The following NXN variants were observed in gnomAD, a reference collection of about 807,000 sequenced individuals.
NXN encodes the protein nucleoredoxin.
In NXN, 16 loss-of-function variants were observed where a neutral mutation model predicts 48.6. That is an observed-to-expected ratio of 0.33 (90% confidence interval 0.22 to 0.50). The LOEUF (loss-of-function observed/expected upper bound fraction) is 0.50. Ranked by LOEUF, NXN falls within the 20% of genes least tolerant of loss-of-function variation. The probability of loss-of-function intolerance (pLI) is 0.98; values close to 1 mark genes in which losing one functional copy is unlikely to be tolerated. For synonymous variants in NXN, 281 were observed against 269.6 expected (o/e 1.04, Z -0.41); for missense variants, 492 against 605.5 (o/e 0.81, Z 1.97).
At position 827,540 on chromosome 17, in the gene NXN, G is replaced by A. The variant is rs945915036; in HGVS notation, c.361-1462C>T. ...CGGGAGGCTGAGGCAGGAGAATGGC[G>A]TGAACCCGGGAGGCGGGGCTTGCGG... On this transcript the variant is annotated intron_variant, in intron 1 of 7. Coordinates refer to ENST00000336868, the MANE Select transcript of NXN (RefSeq NM_022463.5). Among the ~76,000 whole-genome samples the A allele has an allele frequency of 8.5e-5, 13 of 152,156 alleles. 1 individual carries two copies. The highest frequency in any genetic ancestry group is 6.5e-4 in the Admixed American group (10 of 15,268).
At chr17:924,473 G>C (rs1300102242) in intron 1 of NXN, among the ~76,000 whole-genome samples, 1 of 152,238 alleles carries the variant, frequency 6.6e-6, no homozygotes, top group East Asian at 1.9e-4. Context: ...CCAACCTCAG[G>C]TGATCCGCCC....
intron 1 of NXN, among the ~76,000 whole-genome samples, chr17:905,976 C>CG (rs141083100): frequency 8.4e-6 from 1 of 118,576 alleles, no homozygotes; most frequent in Non-Finnish European, 1.7e-5. Context: ...GACCTTGTCT[C>CG]AAAAAAAAAA....
intron 1 of NXN, among the ~76,000 whole-genome samples, chr17:972,028 C>T (rs575944586): frequency 1.4e-4 from 21 of 152,202 alleles, no homozygotes; most frequent in Admixed American, 4.6e-4. Flanking sequence ...TGGCCAGTCA[C>T]GGTGGCTCAC....
intron 1 of NXN, among the ~76,000 whole-genome samples, chr17:875,162 G>C (rs895712608): frequency 6.6e-6 from 1 of 152,000 alleles, no homozygotes; most frequent in African/African-American, 2.4e-5. Flanking sequence ...CTCTGGGGTA[G>C]CTGGGATTAC....
intron 1 of NXN, chr17:959,009 C>T (rs2586284): frequency 0.86 from 196,322 of 227,264 alleles, 88,592 homozygotes; most frequent in Non-Finnish European, 0.98. Context: ...AAGAATCATG[C>T]GGATGTGCGC....
rs1323419463 is a variant in NXN, at chr17:849,253, C to A, written c.361-23175G>T. Among the ~76,000 whole-genome samples the A allele has an allele frequency of 2.6e-5, 4 of 152,228 alleles. No individual in the cohort carries two copies. The highest frequency in any genetic ancestry group is 4.4e-5 in the Non-Finnish European group (3 of 68,044). ...ATTCACTAAGACCAGAGCTTCCCAG[C>A]TGGGCGCAGTGGCTCACGCCTGTAA... is the stretch of plus-strand genomic sequence containing the variant. On this transcript the variant is annotated intron_variant, in intron 1 of 7. Transcript: ENST00000336868. The surrounding 1 kb of genome is among the most constrained non-coding windows in gnomAD (Gnocchi z 4.2).
intron 2 of NXN, 94 bp from the exon 3 acceptor site, chr17:823,859 G>C (rs1597631476): frequency 7.5e-7 from 1 of 1,341,526 alleles, no homozygotes; most frequent in South Asian, 1.3e-5. Context: ...TCTTCTTGAT[G>C]ACCTGGGACC....
intron 1 of NXN, among the ~76,000 whole-genome samples, chr17:942,404 T>C (rs372734105): frequency 1.9e-4 from 8 of 42,346 alleles, no homozygotes; most frequent in East Asian, 6.3e-4. Context: ...GATTCCAGGG[T>C]GCAGCCATGA....
intron 1 of NXN, among the ~76,000 whole-genome samples, chr17:929,164 G>A (rs949284007): frequency 1.3e-5 from 2 of 152,192 alleles, no homozygotes; most frequent in East Asian, 1.9e-4. Flanking sequence ...TGGCAACGTC[G>A]GCCTTCATTA....
intron 6 of NXN, among the ~76,000 whole-genome samples, chr17:804,274 C>CTTT (rs11325268): frequency 5.6e-5 from 5 of 88,960 alleles, no homozygotes; most frequent in East Asian, 2.7e-4. Flanking sequence ...TGGTCAGCGG[C>CTTT]TTTTTTTTTT....
intron 1 of NXN, among the ~76,000 whole-genome samples, chr17:973,783 G>A (rs1407377318): frequency 2.0e-5 from 3 of 151,822 alleles, no homozygotes; most frequent in African/African-American, 4.8e-5. Flanking sequence ...GGGTTCAAGC[G>A]ATTCTCCTGC....
chr17:873,597 T>C (rs12936862), intron 1 of NXN, among the ~76,000 whole-genome samples: 59,019 of 151,636 alleles, frequency 0.39, 12,208 homozygotes, highest in Middle Eastern at 0.51. Context: ...GAATATCAAC[T>C]TCTTACTGGA....
At position 917,173 on chromosome 17, in the gene NXN, T is replaced by TC. The variant is rs1374835512; in HGVS notation, c.360+62145_360+62146insG. On this transcript the variant is annotated intron_variant, in intron 1 of 7. Transcript: ENST00000336868. This position sits in a 1 kb window ranked among gnomAD's most constrained non-coding sequence, Gnocchi z 4.5. The stretch of plus-strand genomic sequence containing the variant: ...CCTGAGCTCACATCTTTTTTTTTTT[T>TC]TTCTGTAGCCCAGGCTGGAGTGCAA... 6.6e-6 allele frequency among the ~76,000 whole-genome samples: 1 copy of TC among 152,066 alleles called. No individual in the cohort carries two copies. Among genetic ancestry groups the TC allele is most frequent in the African/African-American group, 2.4e-5 (1 of 41,388 alleles).
chr17:801,157 A>T, intron 7 of NXN, 26 bp from the exon 8 acceptor site: 1 of 1,490,606 alleles, frequency 6.7e-7, no homozygotes, highest in Non-Finnish European at 9.0e-7. Context: ...GGGAGAGAAA[A>T]CCAAGAAGTT....
intron 1 of NXN, among the ~76,000 whole-genome samples, chr17:840,663 A>G (rs1195480113): frequency 6.6e-6 from 1 of 152,190 alleles, no homozygotes; most frequent in Non-Finnish European, 1.5e-5. Context: ...TTACGTCTTA[A>G]GAGCCTCACT....
At chr17:875,255 C>T (rs1188171450) in intron 1 of NXN, among the ~76,000 whole-genome samples, 1 of 152,070 alleles carries the variant, frequency 6.6e-6, no homozygotes, top group Non-Finnish European at 1.5e-5. Flanking sequence ...TGGTCTTGAA[C>T]TCCTGACCTC....
intron 1 of NXN, among the ~76,000 whole-genome samples, chr17:957,746 C>T (rs2069188274): frequency 6.6e-6 from 1 of 152,090 alleles, no homozygotes; most frequent in South Asian, 2.1e-4. Context: ...GTCAAACCTC[C>T]TTGGTACAAA....
At chr17:896,572 C>T (rs1281763216) in intron 1 of NXN, among the ~76,000 whole-genome samples, 1 of 152,196 alleles carries the variant, frequency 6.6e-6, no homozygotes, top group Non-Finnish European at 1.5e-5. Context: ...GCCTCGCACA[C>T]CGTATAAACT....
chr17:807,246 C>A, intron 5 of NXN, among the ~76,000 whole-genome samples: 1 of 152,190 alleles, frequency 6.6e-6, no homozygotes, highest in East Asian at 1.9e-4. Flanking sequence ...TCTCAAAATC[C>A]CCCCGGCAAG....
Sources: gnomAD v4.1 joint callset for allele counts (sites outside exome capture counted in the v4.1 genomes callset) on GRCh38, gnomAD v4.1.1 for gene constraint, Gnocchi (gnomAD v3.1) non-coding constraint, MANE v1.5 for transcripts, NCBI Gene and HGNC (gene_info 2026-07-23, HGNC 2026-07-21) for gene names.